Variants in OR1J2 observed in about 807,000 individuals in gnomAD.
The protein encoded by OR1J2 is olfactory receptor 1J2.
For missense variants in OR1J2, 304 were observed against 246.1 expected, an observed-to-expected ratio of 1.24 and a Z score of -1.57; for synonymous variants, 142 against 99.7, an observed-to-expected ratio of 1.42 and a Z score of -2.52.
chr9:122,537,038 C>T, the OR1J2 span, among the ~76,000 whole-genome samples: 1 of 152,282 alleles, frequency 6.6e-6, no homozygotes, highest in African/African-American at 2.4e-5. Flanking sequence ...CTCTCAGACA[C>T]CAAGTTGTAG....
the OR1J2 span, among the ~76,000 whole-genome samples, chr9:122,566,359 T>A: frequency 0.27 from 41,456 of 152,104 alleles, 5,831 homozygotes; most frequent in Middle Eastern, 0.34. Context: ...TGTATAAAGA[T>A]GAGGAAATAT....
the OR1J2 span, among the ~76,000 whole-genome samples, chr9:122,574,582 T>C: frequency 1.3e-5 from 2 of 151,076 alleles, no homozygotes; most frequent in African/African-American, 4.9e-5. Context: ...GTTCCAGGAA[T>C]TTTTTTGTCA....
chr9:122,537,000 C>T, the OR1J2 span, among the ~76,000 whole-genome samples: 1 of 152,174 alleles, frequency 6.6e-6, no homozygotes, highest in South Asian at 2.1e-4. Context: ...TGTGATGCTT[C>T]TGTAGCAGGA....
the OR1J2 span, among the ~76,000 whole-genome samples, chr9:122,486,940 T>A: frequency 1.3e-5 from 2 of 152,064 alleles, no homozygotes; most frequent in Non-Finnish European, 2.9e-5. Flanking sequence ...CAGTCTTTAA[T>A]CAGATGATCA....
At chr9:122,530,136 G>T in the OR1J2 span, among the ~76,000 whole-genome samples, 1 of 152,334 alleles carries the variant, frequency 6.6e-6, no homozygotes, top group African/African-American at 2.4e-5. Context: ...AGAAATCCAT[G>T]AGATGAATAA....
At chr9:122,537,729 G>C in the OR1J2 span, among the ~76,000 whole-genome samples, 3 of 152,196 alleles carry the variant, frequency 2.0e-5, no homozygotes, top group East Asian at 5.8e-4. Context: ...TCCTGGGCTG[G>C]CATCTGAAAT....
At chr9:122,467,582 A>G in the OR1J2 span, among the ~76,000 whole-genome samples, 18 of 152,348 alleles carry the variant, frequency 1.2e-4, no homozygotes, top group African/African-American at 3.6e-4. Context: ...TTCAAAATTC[A>G]TAGTGTACCT....
At chr9:122,531,226 C>T in the OR1J2 span, among the ~76,000 whole-genome samples, 1 of 152,056 alleles carries the variant, frequency 6.6e-6, no homozygotes. Flanking sequence ...TTAGAAGAAA[C>T]ATTTGTCATT....
At chr9:122,526,160 T>C in the OR1J2 span, among the ~76,000 whole-genome samples, 1 of 152,208 alleles carries the variant, frequency 6.6e-6, no homozygotes, top group Non-Finnish European at 1.5e-5. Flanking sequence ...CATTTCATAG[T>C]TTATTTCAGT....
chr9:122,523,708 T>C, the OR1J2 span, among the ~76,000 whole-genome samples: 2 of 152,332 alleles, frequency 1.3e-5, no homozygotes, highest in African/African-American at 4.8e-5. Flanking sequence ...AAGAACAAAA[T>C]GGAAGACTAG....
At chr9:122,521,455 C>G in the OR1J2 span, among the ~76,000 whole-genome samples, 3 of 152,320 alleles carry the variant, frequency 2.0e-5, no homozygotes, top group East Asian at 5.8e-4. Flanking sequence ...AAAGACCTTA[C>G]TCTTCACTTG....
chr9:122,495,952 C>T, the OR1J2 span, among the ~76,000 whole-genome samples: 2 of 152,246 alleles, frequency 1.3e-5, no homozygotes, highest in African/African-American at 4.8e-5. Context: ...GATTGTTTTT[C>T]CTCTTCTAGG....
chr9:122,553,222 C>G, the OR1J2 span: 2 of 1,613,542 alleles, frequency 1.2e-6, no homozygotes, highest in Non-Finnish European at 1.7e-6. Context: ...ATGGGAAAAC[C>G]AGGCAGAGTG....
chr9:122,458,767 G>C, the OR1J2 span, among the ~76,000 whole-genome samples: 1 of 152,096 alleles, frequency 6.6e-6, no homozygotes, highest in African/African-American at 2.4e-5. Flanking sequence ...CATATCATGG[G>C]GGGTGTTGCT....
At chr9:122,512,439 C>A (rs1828652032), downstream of OR1J2, among the ~76,000 whole-genome samples, 1 of 152,220 alleles carries the variant, frequency 6.6e-6, no homozygotes, top group South Asian at 2.1e-4. Context: ...GCATTCCTAA[C>A]AAGCTGCCAC....
At chr9:122,520,852 C>T in the OR1J2 span, among the ~76,000 whole-genome samples, 7 of 152,122 alleles carry the variant, frequency 4.6e-5, no homozygotes, top group Non-Finnish European at 8.8e-5. Context: ...TATTATATGC[C>T]CAAGTCATCT....
the OR1J2 span, among the ~76,000 whole-genome samples, chr9:122,503,467 T>A: frequency 6.6e-6 from 1 of 152,230 alleles, no homozygotes; most frequent in Admixed American, 6.5e-5. Context: ...GCATAGCCTC[T>A]ACCTCCACGG....
chr9:122,567,325 T>G, the OR1J2 span: 1 of 410,884 alleles, frequency 2.4e-6, no homozygotes, highest in South Asian at 8.7e-5. Flanking sequence ...AAAAAATAAA[T>G]CTTTCCAAGA....
chr9:122,541,649 C>A, the OR1J2 span, among the ~76,000 whole-genome samples: 3 of 152,202 alleles, frequency 2.0e-5, no homozygotes, highest in African/African-American at 7.2e-5. Flanking sequence ...TGCCAAGCCT[C>A]CACCTTAAAT....
Sources: allele counts gnomAD v4.1 joint callset (sites outside exome capture counted in the v4.1 genomes callset), GRCh38; gene constraint gnomAD v4.1.1; transcripts MANE v1.5; gene names NCBI Gene and HGNC (gene_info 2026-07-23, HGNC 2026-07-21).